MSRA: variants seen among roughly 807,000 people sequenced by gnomAD.
MSRA encodes mitochondrial peptide methionine sulfoxide reductase.
In MSRA, 54 loss-of-function variants were observed where a neutral mutation model predicts 31.3. The observed-to-expected ratio is 1.73, with a 90% confidence interval of 1.39 to 2.17. The LOEUF (loss-of-function observed/expected upper bound fraction) is 2.17, where lower values mean the gene tolerates loss of function less well. Among genes scored for constraint, MSRA ranks in the 30% most tolerant of loss-of-function variants. MSRA has a pLI of 0.00. For synonymous variants in MSRA, 169 were observed against 116.5 expected (o/e 1.45, Z -2.90); for missense variants, 507 against 300.9 (o/e 1.69, Z -5.07).
chr8:10,087,712 T>G (rs1372058176), intron 1 of MSRA, among the ~76,000 whole-genome samples: 1 of 152,196 alleles, frequency 6.6e-6, no homozygotes, highest in Non-Finnish European at 1.5e-5. Context: ...ATTGTAAATA[T>G]TCTGAGAGTG....
rs1310021587 is a variant in MSRA, at chr8:10,193,054, A to G, written c.143-14779A>G. On this transcript the variant is annotated intron_variant, in intron 1 of 5. Coordinates refer to ENST00000317173, the MANE Select transcript of MSRA (RefSeq NM_012331.5). ...AGTGACAGAAAATAGAGATTACTAT[A>G]ATTTAGTCTTGGCACTAATATCCTG... 2.0e-5 allele frequency among the ~76,000 whole-genome samples: 3 copies of G among 152,224 alleles called. No individual in the cohort carries two copies. The East Asian group carries it at 5.8e-4, about 29-fold the overall frequency.
At chr8:10,195,905 C>G (rs897490869) in intron 1 of MSRA, among the ~76,000 whole-genome samples, 4 of 152,248 alleles carry the variant, frequency 2.6e-5, no homozygotes, top group African/African-American at 4.8e-5. Flanking sequence ...TGACCTTACC[C>G]TGCAGCAGGC....
chr8:10,321,005 G>A (rs1014123865), intron 5 of MSRA, among the ~76,000 whole-genome samples: 1 of 152,114 alleles, frequency 6.6e-6, no homozygotes, highest in Admixed American at 6.6e-5. Flanking sequence ...CATATCTTTT[G>A]GAGGGAGACA....
chr8:10,278,606 C>T (rs541811713), intron 3 of MSRA, among the ~76,000 whole-genome samples: 6 of 152,324 alleles, frequency 3.9e-5, no homozygotes, highest in African/African-American at 1.2e-4. Context: ...GTGCACCTCA[C>T]GTCTGCTCAC....
At chr8:10,112,885 C>G (rs914308902) in intron 1 of MSRA, among the ~76,000 whole-genome samples, 1 of 152,278 alleles carries the variant, frequency 6.6e-6, no homozygotes, top group Non-Finnish European at 1.5e-5. Flanking sequence ...ACTTTTATGG[C>G]TGCCTTCTTT....
chr8:10,305,301 C>T lies in MSRA; in HGVS notation c.436+3663C>T, dbSNP rs144513955. Among the ~76,000 whole-genome samples the T allele has an allele frequency of 2.5e-3, 381 of 152,100 alleles. 2 individuals carry two copies. Among genetic ancestry groups the T allele is most frequent in the South Asian group, 0.015 (73 of 4,822 alleles). On this transcript the variant is annotated intron_variant, in intron 4 of 5. Transcript: ENST00000317173. ...TTAAATCAGATCTTCATGGCATAGG[C>T]TAAACAGAGAACATTCAGCATGTTC...
intron 5 of MSRA, among the ~76,000 whole-genome samples, chr8:10,416,879 A>G (rs918719669): frequency 6.6e-6 from 1 of 152,232 alleles, no homozygotes; most frequent in Non-Finnish European, 1.5e-5. Flanking sequence ...CGTCCTCTGC[A>G]GAGACACAAC....
chr8:10,305,611 AC>A lies in MSRA; in HGVS notation c.436+3975del, dbSNP rs1801093167. On this transcript the variant is annotated intron_variant, in intron 4 of 5. Coordinates refer to ENST00000317173, the MANE Select transcript of MSRA (RefSeq NM_012331.5). ...GTATTTTTCATAGAGATGGGGTTTC[AC>A]CATGTTGGTCAGCCTGGTCTCAAAC... 2.0e-5 allele frequency among the ~76,000 whole-genome samples: 3 copies of A among 151,964 alleles called. No individual in the cohort carries two copies. The South Asian group carries it at 6.2e-4, about 32-fold the overall frequency.
chr8:10,189,800 T>G (rs1807356959), intron 1 of MSRA, among the ~76,000 whole-genome samples: 1 of 152,200 alleles, frequency 6.6e-6, no homozygotes, highest in Non-Finnish European at 1.5e-5. Context: ...CTTGTGTCTT[T>G]GTCTGGTTTT....
chr8:10,380,776 G>A (rs1806019037), intron 5 of MSRA, among the ~76,000 whole-genome samples: 1 of 152,088 alleles, frequency 6.6e-6, no homozygotes, highest in Non-Finnish European at 1.5e-5. Context: ...CTGGATGGAT[G>A]GATGGATGAA....
chr8:10,061,541 T>C (rs1034444810), intron 1 of MSRA, among the ~76,000 whole-genome samples: 9 of 152,120 alleles, frequency 5.9e-5, no homozygotes, highest in Non-Finnish European at 8.8e-5. Flanking sequence ...ACAATCTGTC[T>C]CATCTCCCCA....
intron 1 of MSRA, among the ~76,000 whole-genome samples, chr8:10,107,695 G>A (rs183647835): frequency 4.6e-5 from 7 of 152,244 alleles, no homozygotes; most frequent in African/African-American, 7.2e-5. Flanking sequence ...GAGAGCTTTC[G>A]TCATTTTCTT....
intron 5 of MSRA, among the ~76,000 whole-genome samples, chr8:10,409,321 T>C (rs1199593946): frequency 3.3e-5 from 5 of 152,216 alleles, no homozygotes; most frequent in Non-Finnish European, 5.9e-5. Flanking sequence ...CGATGACTAG[T>C]GATGATGAGC....
chr8:10,196,318 C>G (rs2129055435), intron 1 of MSRA, among the ~76,000 whole-genome samples: 1 of 152,168 alleles, frequency 6.6e-6, no homozygotes, highest in Non-Finnish European at 1.5e-5. Context: ...ACGTTGGGCT[C>G]CAGAGTGACA....
intron 3 of MSRA, among the ~76,000 whole-genome samples, chr8:10,274,961 T>G (rs923986704): frequency 1.3e-5 from 2 of 152,330 alleles, no homozygotes; most frequent in African/African-American, 2.4e-5. Context: ...TTCACTCAAT[T>G]AAACTAATAT....
At chr8:10,366,380 C>G (rs1481466392) in intron 5 of MSRA, among the ~76,000 whole-genome samples, 1 of 152,248 alleles carries the variant, frequency 6.6e-6, no homozygotes, top group African/African-American at 2.4e-5. Flanking sequence ...GGGCCCCAGG[C>G]TGGGCAGGGC....
chr8:10,250,533 G>T (rs191278093), intron 3 of MSRA: 2 of 696,052 alleles, frequency 2.9e-6, no homozygotes, highest in African/African-American at 3.5e-5. Context: ...ACTTTTCCTC[G>T]TAAGATTTAC....
chr8:10,404,897 G>A (rs1003615867), intron 5 of MSRA, among the ~76,000 whole-genome samples: 4 of 152,126 alleles, frequency 2.6e-5, no homozygotes, highest in African/African-American at 9.7e-5. Flanking sequence ...TGTGGTAAGC[G>A]GCACAGCTGT....
intron 1 of MSRA, among the ~76,000 whole-genome samples, chr8:10,158,789 C>T (rs1056564487): frequency 6.6e-6 from 1 of 152,158 alleles, no homozygotes; most frequent in Non-Finnish European, 1.5e-5. Context: ...CTGCATTTAA[C>T]ATTTTGAGGA....
Sources: gnomAD v4.1 joint callset for allele counts (sites outside exome capture counted in the v4.1 genomes callset) on GRCh38, gnomAD v4.1.1 for gene constraint, MANE v1.5 for transcripts, NCBI Gene and HGNC (gene_info 2026-07-23, HGNC 2026-07-21) for gene names.